TANGO6: variants seen among roughly 807,000 people sequenced by gnomAD.
The protein encoded by TANGO6 is transport and golgi organization 6 homolog, also known as transport and Golgi organization protein 6 homolog.
In TANGO6, 90 loss-of-function variants were observed where a neutral mutation model predicts 114.2. The ratio of observed to expected loss-of-function variants is 0.79; its 90% CI spans 0.66 to 0.94. The LOEUF is 0.94. Ranked by LOEUF, TANGO6 falls within the 40% of genes least tolerant of loss-of-function variation. The pLI is 0.00. For missense variants in TANGO6, 1,274 were observed against 1,315.3 expected (o/e 0.97, Z 0.49); for synonymous variants, 477 against 509.8 (o/e 0.94, Z 0.87).
chr16:69,035,035 G>A (rs1274734263), intron 16 of TANGO6: 2 of 152,052 alleles, frequency 1.3e-5, no homozygotes, highest in Non-Finnish European at 2.9e-5. Context: ...TGTGTCCCAG[G>A]TGACAAGTCC....
intron 8 of TANGO6, 87 bp downstream of exon 8, chr16:68,900,633 G>A: frequency 9.2e-7 from 1 of 1,088,730 alleles, no homozygotes; most frequent in Non-Finnish European, 1.3e-6. Flanking sequence ...ATTTATATTT[G>A]CCACTTTGAA....
At chr16:68,924,836 C>T (rs1023901371) in intron 12 of TANGO6, among the ~76,000 whole-genome samples, 3 of 151,678 alleles carry the variant, frequency 2.0e-5, no homozygotes, top group African/African-American at 7.3e-5. Flanking sequence ...CTGCTGCCAC[C>T]CAGTGCATTT....
intron 15 of TANGO6, among the ~76,000 whole-genome samples, chr16:69,013,274 A>T (rs184517041): frequency 1.3e-5 from 2 of 152,006 alleles, no homozygotes; most frequent in Admixed American, 6.6e-5. Flanking sequence ...ATTTGGTTTA[A>T]TTTTTTCTTT....
intron 17 of TANGO6, among the ~76,000 whole-genome samples, chr16:69,067,806 A>G (rs1221724689): frequency 1.3e-5 from 2 of 151,338 alleles, no homozygotes; most frequent in East Asian, 3.9e-4. Context: ...GTGTGGTGGC[A>G]CATGACTGTA....
intron 17 of TANGO6, among the ~76,000 whole-genome samples, chr16:69,070,207 C>CA (rs563954695): frequency 4.7e-5 from 7 of 147,572 alleles, no homozygotes; most frequent in African/African-American, 1.0e-4. Flanking sequence ...GACTCCTTCT[C>CA]AAAAAAAAAG....
intron 5 of TANGO6, among the ~76,000 whole-genome samples, 151 bp downstream of exon 5, chr16:68,875,441 C>T (rs1596999929): frequency 6.6e-6 from 1 of 151,968 alleles, no homozygotes. Flanking sequence ...TGAATAAAAA[C>T]CGGTGGAAGA....
chr16:68,920,979 T>C (rs1482508416), intron 12 of TANGO6, among the ~76,000 whole-genome samples: 2 of 151,184 alleles, frequency 1.3e-5, no homozygotes, highest in Non-Finnish European at 2.9e-5. Flanking sequence ...GGCGGGTGCC[T>C]GTAGTCCCAG....
At chr16:68,872,583 T>G (rs1962290217) in intron 4 of TANGO6, among the ~76,000 whole-genome samples, 1 of 151,674 alleles carries the variant, frequency 6.6e-6, no homozygotes, top group Admixed American at 6.6e-5. Context: ...ATTACAGACA[T>G]GAGCCACCGC....
Position 68,895,627 on chromosome 16 carries a change from G to C in TANGO6, c.1378-4807G>C, listed in dbSNP as rs762716635. Among the ~76,000 whole-genome samples, 28 of 152,276 alleles carry C rather than the reference G, an allele frequency of 1.8e-4. 1 individual carries two copies. The highest frequency in any genetic ancestry group is 6.2e-4 in the South Asian group (3 of 4,828). On this transcript the variant is annotated intron_variant, in intron 7 of 17. Transcript: ENST00000261778. ...AGAAAAATCATTTCATAGTGGTTAG[G>C]TGCTCAATATTTGAATGAATGAGTG...
At chr16:69,006,097 C>T (rs941683886) in intron 15 of TANGO6, among the ~76,000 whole-genome samples, 2 of 152,138 alleles carry the variant, frequency 1.3e-5, no homozygotes, top group Non-Finnish European at 2.9e-5. Context: ...CTGGCAGAAG[C>T]GATGCCAGTC....
intron 17 of TANGO6, among the ~76,000 whole-genome samples, chr16:69,054,881 C>T (rs1374428042): frequency 2.2e-5 from 3 of 138,482 alleles, no homozygotes; most frequent in East Asian, 4.4e-4. Context: ...GCGGAGCTTG[C>T]AGTGAGCCGA....
intron 1 of TANGO6, among the ~76,000 whole-genome samples, chr16:68,847,506 T>G (rs1048237863): frequency 1.3e-5 from 2 of 152,204 alleles, no homozygotes; most frequent in African/African-American, 2.4e-5. Context: ...GAGCTTTTGT[T>G]TTAAATCACT....
At chr16:69,061,745 C>CGCG (rs949679175) in intron 17 of TANGO6, among the ~76,000 whole-genome samples, 2 of 152,080 alleles carry the variant, frequency 1.3e-5, no homozygotes, top group African/African-American at 4.8e-5. Flanking sequence ...CGGCCGGGCG[C>CGCG]GCGGTGGCTC....
intron 7 of TANGO6, among the ~76,000 whole-genome samples, chr16:68,881,799 G>A (rs540298054): frequency 4.5e-4 from 69 of 152,206 alleles, no homozygotes; most frequent in Middle Eastern, 6.8e-3. Flanking sequence ...CTTTTGGAAA[G>A]CAAATGAAAT....
At chr16:68,917,736 C>A (rs2152190094) in intron 11 of TANGO6, among the ~76,000 whole-genome samples, 1 of 152,110 alleles carries the variant, frequency 6.6e-6, no homozygotes, top group South Asian at 2.1e-4. Flanking sequence ...CGGTTCAGGA[C>A]TTTTGCTCAT....
chr16:68,879,117 A>G (rs1203387793), intron 6 of TANGO6, among the ~76,000 whole-genome samples: 1 of 152,104 alleles, frequency 6.6e-6, no homozygotes. Context: ...TGTCTAAATA[A>G]ATAGAAAGAC....
chr16:68,900,610 G>C, intron 8 of TANGO6, 64 bp downstream of exon 8: 1 of 1,314,842 alleles, frequency 7.6e-7, no homozygotes, highest in Non-Finnish European at 1.1e-6. Flanking sequence ...TGTTGTTTTT[G>C]TTCTTATTTT....
At chr16:68,970,185 T>A (rs1355001741) in intron 14 of TANGO6, among the ~76,000 whole-genome samples, 2 of 151,634 alleles carry the variant, frequency 1.3e-5, no homozygotes, top group African/African-American at 4.9e-5. Context: ...AGACTGAGAG[T>A]AAGAAAGGGA....
intron 15 of TANGO6, among the ~76,000 whole-genome samples, chr16:68,982,373 T>C (rs1490112828): frequency 1.3e-5 from 2 of 152,094 alleles, no homozygotes; most frequent in African/African-American, 4.8e-5. Flanking sequence ...TCTCACTTTG[T>C]CGCCCAGGCT....
Sources: allele counts gnomAD v4.1 joint callset (sites outside exome capture counted in the v4.1 genomes callset), GRCh38; gene constraint gnomAD v4.1.1; transcripts MANE v1.5; gene names NCBI Gene and HGNC (gene_info 2026-07-23, HGNC 2026-07-21).